The following CSMD3 variants were observed in gnomAD, a reference collection of about 807,000 sequenced individuals.
CSMD3 encodes the protein CUB and sushi domain-containing protein 3.
A neutral mutation model predicts 435.2 loss-of-function variants in CSMD3; 177 were observed. The observed-to-expected ratio is 0.41, with a 90% CI of 0.36 to 0.46. The LOEUF (loss-of-function observed/expected upper bound fraction) is 0.46, where lower values mean the gene tolerates loss of function less well. Ranked by LOEUF, CSMD3 falls within the 20% of genes least tolerant of loss-of-function variation. CSMD3 has a pLI of 0.34. For missense variants in CSMD3, 4,265 were observed against 4,504.6 expected, an observed-to-expected ratio of 0.95 and a Z score of 1.52; for synonymous variants, 1,656 against 1,520.5, an observed-to-expected ratio of 1.09 and a Z score of -2.07.
At chr8:112,691,038 C>T (rs527345584) in intron 13 of CSMD3, among the ~76,000 whole-genome samples, 60 of 152,140 alleles carry the variant, frequency 3.9e-4, no homozygotes, top group African/African-American at 1.3e-3. Flanking sequence ...TCCACACAGA[C>T]ATATCTAATA....
chr8:113,304,017 A>C (rs1248949411), intron 2 of CSMD3, among the ~76,000 whole-genome samples: 1 of 141,622 alleles, frequency 7.1e-6, no homozygotes, highest in Non-Finnish European at 1.5e-5. Flanking sequence ...TACTCATCTG[A>C]CAAAGGGCTA....
At chr8:113,191,109 TTC>T (rs369971523) in intron 3 of CSMD3, among the ~76,000 whole-genome samples, 5 of 151,976 alleles carry the variant, frequency 3.3e-5, no homozygotes, top group African/African-American at 1.2e-4. Context: ...TCTTTCAATG[TTC>T]TCTTTCTTTG....
chr8:112,931,707 G>A (rs919927125), intron 9 of CSMD3, among the ~76,000 whole-genome samples: 1 of 151,936 alleles, frequency 6.6e-6, no homozygotes, highest in Non-Finnish European at 1.5e-5. Context: ...CTCTGACAAG[G>A]GAGTAATATT....
intron 10 of CSMD3, among the ~76,000 whole-genome samples, chr8:112,878,706 C>T (rs2081361780): frequency 1.3e-5 from 2 of 152,040 alleles, no homozygotes; most frequent in Non-Finnish European, 2.9e-5. Context: ...GAAAATGTGG[C>T]ACATATACAC....
chr8:112,947,509 G>T (rs2083652980), intron 9 of CSMD3, among the ~76,000 whole-genome samples: 1 of 151,436 alleles, frequency 6.6e-6, no homozygotes, highest in East Asian at 1.9e-4. Flanking sequence ...AGCAAAACTG[G>T]AACTCAAAGT....
chr8:112,439,181 C>T (rs1051797897), intron 32 of CSMD3, among the ~76,000 whole-genome samples: 1 of 152,118 alleles, frequency 6.6e-6, no homozygotes, highest in Non-Finnish European at 1.5e-5. Context: ...CGCTCTGTTG[C>T]CCAGGCTAGA....
At chr8:112,638,096 A>G (rs1433196617) in intron 21 of CSMD3, among the ~76,000 whole-genome samples, 1 of 151,212 alleles carries the variant, frequency 6.6e-6, no homozygotes, top group Non-Finnish European at 1.5e-5. Flanking sequence ...ACTATTGTCT[A>G]TAAGTGAGGT....
chr8:112,340,392 T>A (rs1824979858), intron 42 of CSMD3, among the ~76,000 whole-genome samples: 3 of 152,176 alleles, frequency 2.0e-5, no homozygotes, highest in South Asian at 4.1e-4. Flanking sequence ...TTATTTCAGA[T>A]CCATGTAATT....
intron 10 of CSMD3, among the ~76,000 whole-genome samples, chr8:112,882,426 A>G (rs1168835661): frequency 6.6e-6 from 1 of 152,016 alleles, no homozygotes; most frequent in Non-Finnish European, 1.5e-5. Flanking sequence ...CTGTTTCCCT[A>G]CAAGCTTCCT....
intron 24 of CSMD3, among the ~76,000 whole-genome samples, chr8:112,559,908 T>C (rs1828464842): frequency 6.6e-6 from 1 of 151,780 alleles, no homozygotes; most frequent in South Asian, 2.1e-4. Context: ...GATAGTTTTA[T>C]GAATAAGGAA....
rs1396639752 is a variant in CSMD3 at position 112,638,750 on chromosome 8, G to A, written c.3472C>T (p.Arg1158Cys). 7.5e-6 allele frequency: 12 copies of A among 1,610,122 alleles called. No individual in the cohort carries two copies. Among genetic ancestry groups the A allele is most frequent in the East Asian group, 6.7e-5 (3 of 44,836 alleles). ...GATATTGAAAAATCTGAAATGAAAC[G>A]CAATTGAGCCCTGAAATTTCCATAG... Reference protein sequence around the residue: ...GLYGNFRAQLRFISDFSISYE... With the variant: ...GLYGNFRAQLCFISDFSISYE... Residue 1158 changes from arginine to cysteine, a missense_variant, in exon 21 of 71, where the codon CGT becomes TGT. Coordinates refer to ENST00000297405, the MANE Select transcript of CSMD3 (RefSeq NM_198123.2).
At chr8:113,303,357 A>C (rs1462295022) in intron 2 of CSMD3, among the ~76,000 whole-genome samples, 1 of 150,462 alleles carries the variant, frequency 6.6e-6, no homozygotes, top group Non-Finnish European at 1.5e-5. Context: ...TACAGATTCA[A>C]TGCCGTCCCC....
In CSMD3 at chr8:112,698,068, C is replaced by T. The variant is rs369756965; in HGVS notation, c.1973-8018G>A. On this transcript the variant is annotated intron_variant, in intron 13 of 70. Transcript: ENST00000297405. ...GTTGAGGAGATATTAGGGTCAAGTA[C>T]GTGGTATTATGGATGAGGGCCAGAG... Among the ~76,000 whole-genome samples, 37 of 151,972 alleles carry T rather than the reference C, an allele frequency of 2.4e-4. 1 individual carries two copies. The South Asian group carries it at 4.6e-3, about 19-fold the overall frequency.
At chr8:112,319,028 G>T in intron 46 of CSMD3, 78 bp from the exon 47 acceptor site, 4 of 841,122 alleles carry the variant, frequency 4.8e-6, no homozygotes, top group Admixed American at 1.8e-5. Flanking sequence ...AATTGTAGGA[G>T]AATATTTTCT....
chr8:113,101,927 A>G (rs967466369), intron 4 of CSMD3, among the ~76,000 whole-genome samples: 1 of 152,146 alleles, frequency 6.6e-6, no homozygotes, highest in African/African-American at 2.4e-5. Flanking sequence ...TTTAAAAAAA[A>G]CAACAACATA....
At chr8:113,385,765 A>G (rs766813562) in intron 1 of CSMD3, among the ~76,000 whole-genome samples, 103 of 152,102 alleles carry the variant, frequency 6.8e-4, no homozygotes, top group Non-Finnish European at 5.9e-4. Flanking sequence ...TTGAGAAGCA[A>G]TAATATTTAA....
At chr8:113,302,278 T>TATAATATATATTATA (rs1297125739) in intron 2 of CSMD3, among the ~76,000 whole-genome samples, 15 of 21,672 alleles carry the variant, frequency 6.9e-4, no homozygotes, top group Non-Finnish European at 9.7e-4. Context: ...TAATATATAA[T>TATAATATATATTATA]TATAATATAT....
intron 27 of CSMD3, among the ~76,000 whole-genome samples, chr8:112,535,110 C>A (rs547305153): frequency 6.6e-6 from 1 of 152,052 alleles, no homozygotes; most frequent in Non-Finnish European, 1.5e-5. Context: ...AAAACTGGCA[C>A]AAGACAGGGA....
At chr8:112,992,339 G>A (rs1450105043) in intron 6 of CSMD3, among the ~76,000 whole-genome samples, 2 of 151,408 alleles carry the variant, frequency 1.3e-5, no homozygotes, top group Non-Finnish European at 3.0e-5. Context: ...ATAACACGAA[G>A]GAAAGAGATA....
Sources: gnomAD v4.1 joint callset for allele counts (sites outside exome capture counted in the v4.1 genomes callset) on GRCh38, gnomAD v4.1.1 for gene constraint, MANE v1.5 for transcripts, NCBI Gene and HGNC (gene_info 2026-07-23, HGNC 2026-07-21) for gene names.